The following RTN4 variants were observed in gnomAD, a reference collection of about 807,000 sequenced individuals.
RTN4 encodes the protein reticulon 4, also known as reticulon-4.
In RTN4, 32 loss-of-function variants were observed where a neutral mutation model predicts 90.4. The ratio of observed to expected loss-of-function variants is 0.35; its 90% CI spans 0.27 to 0.48. The LOEUF (loss-of-function observed/expected upper bound fraction) is 0.48, where lower values mean the gene tolerates loss of function less well. Ranked by LOEUF, RTN4 falls within the 20% of genes least tolerant of loss-of-function variation. The pLI, the probability that RTN4 is intolerant of heterozygous loss-of-function variation, is 0.99. For synonymous variants in RTN4, 629 were observed against 552.5 expected, an observed-to-expected ratio of 1.14 and a Z score of -1.94; for missense variants, 1,706 against 1,430.2, an observed-to-expected ratio of 1.19 and a Z score of -3.11.
chr2:55,057,349 G>A (rs1668207835), intron 2 of RTN4, among the ~76,000 whole-genome samples: 1 of 152,162 alleles, frequency 6.6e-6, no homozygotes. Flanking sequence ...ACAGAAAATA[G>A]AGCATAGGCA....
chr2:55,026,451 G>C lies in RTN4; in HGVS notation c.1648C>G (p.Leu550Val). The C allele has an allele frequency of 6.2e-7, 1 of 1,613,886 alleles. No individual in the cohort carries two copies. The highest frequency in any genetic ancestry group is 8.5e-7 in the Non-Finnish European group (1 of 1,179,890). ...GCTTCCTGTACTAAATCTGGAGTCA[G>C]GCCTTCAGGCATGTTTGCCACGACT... ...EEVVANMPEG[L>V]TPDLVQEACE... Residue 550 changes from leucine (L) to valine (V), a missense_variant, in exon 3 of 9, where the codon CTG (leucine) becomes GTG (valine). Coordinates refer to ENST00000337526, the MANE Select transcript of RTN4 (RefSeq NM_020532.5).
At chr2:54,975,825 T>C (rs1177644660) in intron 5 of RTN4, among the ~76,000 whole-genome samples, 4 of 152,202 alleles carry the variant, frequency 2.6e-5, no homozygotes, top group Non-Finnish European at 5.9e-5. Flanking sequence ...GTTCTACAAA[T>C]AGCAACACTC....
chr2:54,985,994 CG>C (rs920431350), intron 4 of RTN4, among the ~76,000 whole-genome samples: 1 of 152,132 alleles, frequency 6.6e-6, no homozygotes, highest in African/African-American at 2.4e-5. Context: ...ACTGAATTTT[CG>C]GATCATTTGG....
chr2:55,045,718 G>C (rs146704264), intron 1 of RTN4, among the ~76,000 whole-genome samples: 46 of 152,312 alleles, frequency 3.0e-4, no homozygotes, highest in African/African-American at 1.1e-3. Context: ...GGATAGCAGA[G>C]CATGGATTAA....
rs147845919 is a variant in RTN4 at position 55,025,926 on chromosome 2, C to G, written c.2173G>C (p.Glu725Gln). Residue 725 changes from glutamate (E) to glutamine (Q), a missense_variant, in exon 3 of 9, where the codon GAA becomes CAA. Physicochemically the swap from Glu to Gln is conservative, Grantham distance 29 (BLOSUM62 2). Transcript: ENST00000337526. Reference protein sequence around the residue: ...FSDYSEMAKVEQPVPDHSELV... With the variant: ...FSDYSEMAKVQQPVPDHSELV... Reference sequence around the variant, plus strand: ...TCAGAATGATCAGGCACTGGCTGTTCAACTTTTGCCATTTCTGAATAATCA... The same window carrying G: ...TCAGAATGATCAGGCACTGGCTGTTGAACTTTTGCCATTTCTGAATAATCA... 7 of 1,612,854 alleles carry G rather than the reference C, an allele frequency of 4.3e-6. No homozygotes were observed. Among genetic ancestry groups the G allele is most frequent in the Non-Finnish European group, 5.9e-6 (7 of 1,179,664 alleles).
chr2:55,032,312 C>T (rs900068256), intron 1 of RTN4, among the ~76,000 whole-genome samples: 2 of 152,100 alleles, frequency 1.3e-5, no homozygotes, highest in African/African-American at 4.8e-5. Context: ...CTCCTGACCT[C>T]AAGTGATCCG....
chr2:55,028,090 C>T, intron 2 of RTN4, 74 bp downstream of exon 2: 1 of 1,301,700 alleles, frequency 7.7e-7, no homozygotes, highest in South Asian at 1.4e-5. Flanking sequence ...CCAAACTACT[C>T]TGCATAGTGT....
intron 3 of RTN4, among the ~76,000 whole-genome samples, chr2:55,007,323 A>G (rs1461640808): frequency 6.6e-6 from 1 of 152,152 alleles, no homozygotes; most frequent in South Asian, 2.1e-4. Context: ...TGGTGTGGCT[A>G]TAGGTTATTC....
rs140713009 is a variant in RTN4 at position 55,100,080 on chromosome 2, A to G, written c.-214+12440T>C. ...AATCTGCTACTTTAAATGATGCAAT[A>G]CTTGCACATATTAGAACATTTCCTG... On this transcript the variant is annotated intron_variant, in intron 1 of 3. Transcript: ENST00000427710. Among the ~76,000 whole-genome samples the G allele has an allele frequency of 5.3e-5, 8 of 152,312 alleles. No individual in the cohort carries two copies. In the East Asian group the frequency reaches 1.3e-3, roughly 26 times the overall value.
At chr2:55,118,817 C>G in the RTN4 span, among the ~76,000 whole-genome samples, 2 of 152,216 alleles carry the variant, frequency 1.3e-5, no homozygotes, top group South Asian at 4.1e-4. Context: ...CCCTGCTGTT[C>G]TGATTGCTAT....
chr2:55,067,707 C>T (rs1458756448), intron 2 of RTN4, among the ~76,000 whole-genome samples: 2 of 152,116 alleles, frequency 1.3e-5, no homozygotes, highest in African/African-American at 4.8e-5. Context: ...GAGCCCCACA[C>T]CTGGCCCCAT....
At position 55,050,286 on chromosome 2, in the gene RTN4, G is replaced by T. The variant is rs1375734891; in HGVS notation, c.15C>A (p.Asp5Glu). The change falls in exon 1 of 9, where the codon GAC (aspartate) becomes GAA (glutamate). Residue 5 changes from aspartate (D) to glutamate (E), a missense_variant. By Grantham distance (45) the Asp-to-Glu change is conservative. Transcript: ENST00000337526. The surrounding 1 kb of genome is among the most constrained non-coding windows in gnomAD (Gnocchi z 4.6). MEDL[D>E]QSPLVSSSDS... ...CCGAGGACGAGACCAGAGGAGACTG[G>T]TCCAGGTCTTCCATGGCTGGAGGGT... is the stretch of plus-strand genomic sequence containing the variant. The T allele has an allele frequency of 4.1e-6, 6 of 1,452,588 alleles. No homozygotes were observed. The South Asian group carries it at 4.4e-5, about 11-fold the overall frequency. The allele number at this position is 1,452,588 out of a possible 1,614,324, so 90.0% of individuals were successfully genotyped here.
At position 55,049,667 on chromosome 2, in the gene RTN4, G is replaced by A. The variant is rs547041135; in HGVS notation, c.556+78C>T. On this transcript the variant is annotated intron_variant, in intron 1 of 8. Coordinates refer to ENST00000337526, the MANE Select transcript of RTN4 (RefSeq NM_020532.5). The stretch of plus-strand genomic sequence containing the variant: ...CCCTCGGGGCGGAGAGGAGGGACCA[G>A]CCCAAAGCATCTGGGGCTGCACACA... The A allele has an allele frequency of 1.3e-5, 20 of 1,522,220 alleles. No individual in the cohort carries two copies. The African/African-American group carries it at 2.2e-4, about 17-fold the overall frequency. The allele number at this position is 1,522,220 out of a possible 1,614,324, so 94.3% of individuals were successfully genotyped here. A position where few individuals can be genotyped will look rare whatever the true frequency, so the allele number is the denominator to read the frequency against.
intron 2 of RTN4, among the ~76,000 whole-genome samples, chr2:55,078,588 T>G (rs1356995752): frequency 2.0e-5 from 3 of 152,208 alleles, no homozygotes; most frequent in Admixed American, 6.5e-5. Flanking sequence ...CAAAAATTAT[T>G]GAAAACCTGC....
In RTN4 at chr2:55,025,125, G is replaced by A. The variant is rs139414628; in HGVS notation, c.2974C>T (p.Pro992Ser). 2 of 1,612,712 alleles carry A rather than the reference G, an allele frequency of 1.2e-6. No homozygotes were observed. The highest frequency in any genetic ancestry group is 1.7e-6 in the Non-Finnish European group (2 of 1,179,416). Residue 992 changes from proline to serine, a missense_variant, in exon 3 of 9, where the codon CCA becomes TCA. Coordinates refer to ENST00000337526, the MANE Select transcript of RTN4 (RefSeq NM_020532.5). ...PSDTEKEDRS[P>S]SAIFSAELSK... Reference sequence around the variant, plus strand: ...AGCTCTGCTGAAAATATAGCAGATGGTGATCTGTCCTCTTTTTCTGTATCG... The same window carrying A: ...AGCTCTGCTGAAAATATAGCAGATGATGATCTGTCCTCTTTTTCTGTATCG...
chr2:55,098,278 T>C (rs567390574), intron 1 of RTN4, among the ~76,000 whole-genome samples: 3 of 152,306 alleles, frequency 2.0e-5, no homozygotes, highest in African/African-American at 2.4e-5. Context: ...TTTGGACTTA[T>C]AATCCTAGTG....
chr2:55,053,458 G>C (rs2968790), upstream of RTN4, among the ~76,000 whole-genome samples: 47,571 of 152,070 alleles, frequency 0.31, 8,761 homozygotes, highest in East Asian at 0.59. Context: ...TGGCTGAGGC[G>C]GGTAGATCTC....
the RTN4 span, among the ~76,000 whole-genome samples, chr2:55,133,304 T>C: frequency 6.6e-6 from 1 of 152,158 alleles, no homozygotes; most frequent in Non-Finnish European, 1.5e-5. Flanking sequence ...AGGCATGCAA[T>C]GTGAAATAAG....
intron 6 of RTN4, chr2:54,974,231 A>AT: frequency 4.1e-6 from 1 of 244,258 alleles, no homozygotes; most frequent in Admixed American, 5.1e-5. Context: ...CTAAGGTAGC[A>AT]TTTCAATAAA....
Sources: gnomAD v4.1 joint callset for allele counts (sites outside exome capture counted in the v4.1 genomes callset) on GRCh38, gnomAD v4.1.1 for gene constraint, Gnocchi (gnomAD v3.1) non-coding constraint, MANE v1.5 for transcripts, NCBI Gene and HGNC (gene_info 2026-07-23, HGNC 2026-07-21) for gene names.